Variants in PDZD2 observed in about 807,000 individuals in gnomAD.
PDZD2 encodes the protein PDZ domain-containing protein 2.
Under a neutral mutation model 220.7 loss-of-function variants are expected in PDZD2, and 90 were observed. The ratio of observed to expected loss-of-function variants is 0.41; its 90% CI spans 0.34 to 0.49. The LOEUF is 0.49. Among genes scored for constraint, PDZD2 ranks in the 20% least tolerant of loss-of-function variants. PDZD2 has a pLI of 0.28. For synonymous variants in PDZD2, 1,375 were observed against 1,450.5 expected, an observed-to-expected ratio of 0.95 and a Z score of 1.18; for missense variants, 3,174 against 3,608.5, an observed-to-expected ratio of 0.88 and a Z score of 3.08.
rs1749788448 is a variant in PDZD2, at chr5:31,976,653, A to C, written c.477-6502A>C. Among the ~76,000 whole-genome samples the C allele has an allele frequency of 2.0e-5, 3 of 151,090 alleles. No homozygotes were observed. The East Asian group carries it at 5.8e-4, about 29-fold the overall frequency. Reference sequence around the variant, plus strand: ...GGCATTGTAGTACAAGCCAGTGCCCAGTGGTGGTGATACAAGTTACTTTGT... The same window carrying C: ...GGCATTGTAGTACAAGCCAGTGCCCCGTGGTGGTGATACAAGTTACTTTGT... On this transcript the variant is annotated intron_variant, in intron 2 of 24. Coordinates refer to ENST00000438447, the MANE Select transcript of PDZD2 (RefSeq NM_178140.4).
At chr5:31,892,044 G>T (rs1741094172) in intron 2 of PDZD2, among the ~76,000 whole-genome samples, 1 of 151,024 alleles carries the variant, frequency 6.6e-6, no homozygotes, top group Non-Finnish European at 1.5e-5. Flanking sequence ...CTGAGTAGCT[G>T]TGACCACAGG....
intron 2 of PDZD2, among the ~76,000 whole-genome samples, chr5:31,872,881 A>G (rs1738951392): frequency 6.6e-6 from 1 of 152,194 alleles, no homozygotes; most frequent in African/African-American, 2.4e-5. Flanking sequence ...TGGAACATAT[A>G]CAAAAAAACC....
At position 31,852,416 on chromosome 5, in the gene PDZD2, G is replaced by A. The variant is rs74473188; in HGVS notation, c.476+52692G>A. Among the ~76,000 whole-genome samples the A allele has an allele frequency of 6.3e-3, 955 of 151,868 alleles. 5 individuals are homozygous for A. Among genetic ancestry groups the A allele is most frequent in the Non-Finnish European group, 0.01 (696 of 67,978 alleles). ...TTTCCTCAGCCTCCCAAGTAGAGTAGCTGGGACCACAGGCGCGTGCCATCA... is the reference window on the plus strand; with the variant it reads ...TTTCCTCAGCCTCCCAAGTAGAGTAACTGGGACCACAGGCGCGTGCCATCA... On this transcript the variant is annotated intron_variant, in intron 2 of 24. Transcript: ENST00000438447.
At chr5:31,745,426 AT>A (rs1324852685) in intron 1 of PDZD2, among the ~76,000 whole-genome samples, 1 of 152,178 alleles carries the variant, frequency 6.6e-6, no homozygotes, top group Non-Finnish European at 1.5e-5. Flanking sequence ...CTCAATAAGT[AT>A]TTTTTGATAA....
chr5:31,740,531 A>G (rs1360869629), intron 1 of PDZD2, among the ~76,000 whole-genome samples: 995 of 50,406 alleles, frequency 0.02, 29 homozygotes, highest in East Asian at 0.13. Context: ...TCTCAAAAAA[A>G]AAAAAAAAAA....
intron 19 of PDZD2, among the ~76,000 whole-genome samples, chr5:32,086,168 C>G (rs1317946381): frequency 6.6e-6 from 1 of 152,166 alleles, no homozygotes. Flanking sequence ...TAGTTAGCCT[C>G]AGCCCCTGCA....
intron 2 of PDZD2, among the ~76,000 whole-genome samples, chr5:31,872,871 T>C (rs2150325776): frequency 6.6e-6 from 1 of 152,258 alleles, no homozygotes; most frequent in East Asian, 1.9e-4. Context: ...ATGACTATAA[T>C]GGAACATATA....
At chr5:31,896,322 T>C (rs1561550577) in intron 2 of PDZD2, among the ~76,000 whole-genome samples, 1 of 123,842 alleles carries the variant, frequency 8.1e-6, no homozygotes, top group Non-Finnish European at 1.7e-5. Flanking sequence ...TTTGATACTC[T>C]CGTGTGTGTG....
intron 2 of PDZD2, among the ~76,000 whole-genome samples, chr5:31,913,342 G>GGA (rs368136819): frequency 1.7e-4 from 25 of 146,298 alleles, no homozygotes; most frequent in African/African-American, 2.3e-4. Context: ...CTTCCTTGGG[G>GGA]AAAAAAAAAA....
intron 1 of PDZD2, among the ~76,000 whole-genome samples, chr5:31,729,328 C>T (rs1346148685): frequency 7.3e-5 from 11 of 151,246 alleles, no homozygotes; most frequent in Non-Finnish European, 1.5e-4. Context: ...AACTCCTGAC[C>T]TCAGGTGATC....
intron 1 of PDZD2, among the ~76,000 whole-genome samples, chr5:31,655,271 C>T (rs1311392490): frequency 6.6e-6 from 1 of 152,170 alleles, no homozygotes; most frequent in Non-Finnish European, 1.5e-5. Context: ...CTCCCGGGTT[C>T]AAGCGATTCT....
intron 2 of PDZD2, among the ~76,000 whole-genome samples, chr5:31,976,706 T>C (rs1236490095): frequency 7.6e-6 from 1 of 131,586 alleles, no homozygotes; most frequent in Non-Finnish European, 1.5e-5. Flanking sequence ...TTCCTTTTTT[T>C]CTTCTTTCTT....
At chr5:32,085,773 TG>T (rs1472435544) in intron 19 of PDZD2, among the ~76,000 whole-genome samples, 1 of 152,190 alleles carries the variant, frequency 6.6e-6, no homozygotes, top group African/African-American at 2.4e-5. Context: ...GTTGTTGTTT[TG>T]TTTTGTCTTT....
intron 2 of PDZD2, among the ~76,000 whole-genome samples, chr5:31,845,745 C>T (rs2150289677): frequency 6.6e-6 from 1 of 152,254 alleles, no homozygotes; most frequent in South Asian, 2.1e-4. Flanking sequence ...GTTTCATTGC[C>T]TGTAAAATGG....
At chr5:31,964,776 C>A (rs1429594666) in intron 2 of PDZD2, among the ~76,000 whole-genome samples, 2 of 152,172 alleles carry the variant, frequency 1.3e-5, no homozygotes, top group Non-Finnish European at 2.9e-5. Flanking sequence ...AGGGCAGCGG[C>A]GCGATCTCGG....
chr5:32,014,849 T>C (rs1028679573), intron 6 of PDZD2, among the ~76,000 whole-genome samples: 2 of 151,024 alleles, frequency 1.3e-5, no homozygotes, highest in Non-Finnish European at 2.9e-5. Flanking sequence ...CTGGGGACTA[T>C]AGGCATGTGC....
At chr5:31,971,891 G>T (rs1241087750) in intron 2 of PDZD2, among the ~76,000 whole-genome samples, 1 of 152,132 alleles carries the variant, frequency 6.6e-6, no homozygotes, top group African/African-American at 2.4e-5. Context: ...CAGCCACAAA[G>T]GCCTCCTTGC....
chr5:31,904,385 C>T (rs925736354), intron 2 of PDZD2, among the ~76,000 whole-genome samples: 1 of 152,012 alleles, frequency 6.6e-6, no homozygotes, highest in Admixed American at 6.5e-5. Flanking sequence ...CTCTTATCTT[C>T]CCAGGGCCTT....
chr5:32,038,613 T>C (rs570762972), intron 7 of PDZD2, among the ~76,000 whole-genome samples: 24 of 152,298 alleles, frequency 1.6e-4, no homozygotes, highest in African/African-American at 5.8e-4. Context: ...TTTATTTTTT[T>C]TTCTGCTTAT....
Sources: allele counts gnomAD v4.1 joint callset (sites outside exome capture counted in the v4.1 genomes callset), GRCh38; gene constraint gnomAD v4.1.1; transcripts MANE v1.5; gene names NCBI Gene and HGNC (gene_info 2026-07-23, HGNC 2026-07-21).